The following ARHGAP6 variants were observed in gnomAD, a reference collection of about 807,000 sequenced individuals.
ARHGAP6 encodes rho GTPase-activating protein 6.
Under a neutral mutation model 55.7 loss-of-function variants are expected in ARHGAP6, and 16 were observed. That is an observed-to-expected ratio of 0.29 (90% CI 0.19 to 0.44). ARHGAP6 has a LOEUF of 0.44. ARHGAP6 is among the 20% of genes least tolerant of loss of function. The pLI is 1.00. For missense variants in ARHGAP6, 698 were observed against 808.9 expected, an observed-to-expected ratio of 0.86 and a Z score of 1.66; for synonymous variants, 382 against 360.9, an observed-to-expected ratio of 1.06 and a Z score of -0.66.
At chrX:11,634,689 G>T (rs766232255) in intron 1 of ARHGAP6, among the ~76,000 whole-genome samples, 11 of 112,032 alleles carry the variant, frequency 9.8e-5, no homozygotes, top group African/African-American at 2.9e-4. Context: ...TGACACAGGA[G>T]ATTTTTAATA....
At position 11,485,870 on chromosome X, in the gene ARHGAP6, G is replaced by A. The variant is rs2050506434; in HGVS notation, c.588+178371C>T. Among the ~76,000 whole-genome samples the A allele has an allele frequency of 2.7e-5, 3 of 111,830 alleles. No homozygotes were observed. In the Admixed American group the frequency reaches 2.8e-4, roughly 11 times the overall value. On this transcript the variant is annotated intron_variant, in intron 1 of 12. Transcript: ENST00000337414. ...CTGACCCCTGGGGGCCTATGGGTGG[G>A]TGCCTTACTGCCTTTTCTCTCCAAC...
At chrX:11,396,684 C>A (rs1280649488) in intron 1 of ARHGAP6, among the ~76,000 whole-genome samples, 1 of 111,085 alleles carries the variant, frequency 9.0e-6, no homozygotes, top group Non-Finnish European at 1.9e-5. Context: ...GGAATGAATG[C>A]CAAGATGAGA....
At chrX:11,463,772 G>A (rs764652155) in intron 1 of ARHGAP6, among the ~76,000 whole-genome samples, 3 of 112,371 alleles carry the variant, frequency 2.7e-5, no homozygotes, top group Non-Finnish European at 5.6e-5. Flanking sequence ...CTGTCTTTGC[G>A]TGCTTCCCAC....
At chrX:11,336,586 C>T (rs2147644433) in intron 1 of ARHGAP6, among the ~76,000 whole-genome samples, 1 of 111,971 alleles carries the variant, frequency 8.9e-6, no homozygotes. Context: ...ACCAATTGGC[C>T]AAACTTGAAA....
intron 1 of ARHGAP6, among the ~76,000 whole-genome samples, chrX:11,409,287 G>A (rs1227286891): frequency 6.3e-5 from 7 of 111,921 alleles, no homozygotes; most frequent in Admixed American, 5.7e-4. Flanking sequence ...TAGGGCCACC[G>A]ACACGTAGAT....
At chrX:11,243,629 C>T (rs1004774486) in intron 2 of ARHGAP6, among the ~76,000 whole-genome samples, 1 of 112,092 alleles carries the variant, frequency 8.9e-6, no homozygotes, top group African/African-American at 3.2e-5. Flanking sequence ...GAACTCATCT[C>T]ACCTTGAAAA....
intron 1 of ARHGAP6, chrX:11,298,966 A>C: frequency 8.3e-7 from 1 of 1,209,683 alleles, no homozygotes; most frequent in South Asian, 1.8e-5. Flanking sequence ...ACCAAGCGGG[A>C]GGAAGTGGTG....
chrX:11,152,550 C>G (rs2045798171), intron 10 of ARHGAP6, among the ~76,000 whole-genome samples: 1 of 111,646 alleles, frequency 9.0e-6, no homozygotes, highest in African/African-American at 3.3e-5. Flanking sequence ...GGTCCTGGTG[C>G]AAGCTCCCCA....
At chrX:11,566,946 T>C (rs1308283228) in intron 1 of ARHGAP6, among the ~76,000 whole-genome samples, 1 of 112,007 alleles carries the variant, frequency 8.9e-6, no homozygotes, top group Non-Finnish European at 1.9e-5. Flanking sequence ...GCGGAACTTG[T>C]GGGAAAACAT....
At chrX:11,192,306 C>G (rs1293861090) in intron 3 of ARHGAP6, among the ~76,000 whole-genome samples, 1 of 111,592 alleles carries the variant, frequency 9.0e-6, no homozygotes, top group Non-Finnish European at 1.9e-5. Context: ...CACATTATCT[C>G]TTTTTTCCAT....
intron 1 of ARHGAP6, among the ~76,000 whole-genome samples, chrX:11,477,709 G>A (rs2050417194): frequency 8.9e-6 from 1 of 111,833 alleles, no homozygotes; most frequent in Non-Finnish European, 1.9e-5. Context: ...GGACATGCAT[G>A]AATCTCAAAA....
intron 9 of ARHGAP6, among the ~76,000 whole-genome samples, chrX:11,158,904 C>T (rs187697695): frequency 1.5e-4 from 17 of 112,141 alleles, no homozygotes; most frequent in East Asian, 8.4e-4. Context: ...TATGGAAAGA[C>T]GGGCATTAAA....
intron 12 of ARHGAP6, 130 bp from the exon 13 acceptor site, chrX:11,139,660 A>G (rs991387467): frequency 4.4e-6 from 3 of 687,722 alleles, no homozygotes; most frequent in Non-Finnish European, 6.1e-6. Flanking sequence ...ACAGCACAGT[A>G]TGCTCTTAGC....
chrX:11,143,919 A>C, intron 11 of ARHGAP6, 61 bp downstream of exon 11: 2 of 1,211,582 alleles, frequency 1.7e-6, no homozygotes, highest in Non-Finnish European at 2.2e-6. Context: ...ACACCATGCC[A>C]CATGCAACAA....
At chrX:11,583,872 G>A (rs1382051760) in intron 1 of ARHGAP6, among the ~76,000 whole-genome samples, 2 of 111,891 alleles carry the variant, frequency 1.8e-5, no homozygotes, top group African/African-American at 6.5e-5. Context: ...AATAAGTCAA[G>A]ATGGAAAGAA....
At chrX:11,339,407 C>T (rs1011867710) in intron 1 of ARHGAP6, among the ~76,000 whole-genome samples, 1 of 110,317 alleles carries the variant, frequency 9.1e-6, no homozygotes, top group Non-Finnish European at 1.9e-5. Flanking sequence ...CCCTCTCGTG[C>T]CCTTTCATAG....
At chrX:11,270,421 G>C (rs1387826225) in intron 1 of ARHGAP6, among the ~76,000 whole-genome samples, 3 of 111,567 alleles carry the variant, frequency 2.7e-5, no homozygotes, top group Non-Finnish European at 5.7e-5. Context: ...ACAGAGGCAG[G>C]GCACCAGGAT....
intron 1 of ARHGAP6, among the ~76,000 whole-genome samples, chrX:11,498,856 G>A (rs2050649427): frequency 8.9e-6 from 1 of 112,078 alleles, no homozygotes; most frequent in Admixed American, 9.5e-5. Flanking sequence ...TCCATGTTTT[G>A]AAACCATTTG....
intron 1 of ARHGAP6, among the ~76,000 whole-genome samples, chrX:11,420,599 G>A (rs185690714): frequency 7.1e-4 from 79 of 111,729 alleles, no homozygotes; most frequent in Non-Finnish European, 1.2e-3. Flanking sequence ...CTGCTCAGGA[G>A]ATTTTGAACC....
Sources: allele counts gnomAD v4.1 joint callset (sites outside exome capture counted in the v4.1 genomes callset), GRCh38; gene constraint gnomAD v4.1.1; transcripts MANE v1.5; gene names NCBI Gene and HGNC (gene_info 2026-07-23, HGNC 2026-07-21).